Variants in KIAA1217 observed in about 807,000 individuals in gnomAD.
KIAA1217 encodes sickle tail protein homolog.
In KIAA1217, 88 loss-of-function variants were observed where a neutral mutation model predicts 163.9. The ratio of observed to expected loss-of-function variants is 0.54; its 90% CI spans 0.45 to 0.64. The LOEUF is 0.64. Among genes scored for constraint, KIAA1217 ranks in the 30% least tolerant of loss-of-function variants. KIAA1217 has a pLI of 0.00. For missense variants in KIAA1217, 2,372 were observed against 2,475.0 expected, an observed-to-expected ratio of 0.96 and a Z score of 0.88; for synonymous variants, 903 against 923.1, an observed-to-expected ratio of 0.98 and a Z score of 0.39.
chr10:24,373,705 G>A (rs2052027898), intron 2 of KIAA1217, among the ~76,000 whole-genome samples: 1 of 152,180 alleles, frequency 6.6e-6, no homozygotes, highest in Non-Finnish European at 1.5e-5. Context: ...GCACAGAGGT[G>A]TCCTTGTCAT....
chr10:24,402,472 G>A (rs1303045221), intron 3 of KIAA1217, among the ~76,000 whole-genome samples: 1 of 143,638 alleles, frequency 7.0e-6, no homozygotes, highest in Non-Finnish European at 1.5e-5. Context: ...TCGCGCCACT[G>A]CACTCCAGCC....
intron 2 of KIAA1217, among the ~76,000 whole-genome samples, chr10:24,276,125 ATTGGG>A (rs2077259787): frequency 6.6e-6 from 1 of 152,204 alleles, no homozygotes; most frequent in Non-Finnish European, 1.5e-5. Context: ...TAGTAATTGA[ATTGGG>A]CTACAAGGTC....
chr10:24,406,177 C>G (rs541292822), intron 3 of KIAA1217, among the ~76,000 whole-genome samples: 3 of 152,204 alleles, frequency 2.0e-5, no homozygotes, highest in East Asian at 3.9e-4. Context: ...TGACGAGCAA[C>G]AATTCACATT....
At chr10:24,012,352 A>T (rs988467824) in intron 2 of KIAA1217, among the ~76,000 whole-genome samples, 3 of 152,138 alleles carry the variant, frequency 2.0e-5, no homozygotes, top group African/African-American at 7.2e-5. Flanking sequence ...GGTTATTCTT[A>T]CAACTCTCTT....
chr10:23,830,418 C>G (rs1838124028), intron 1 of KIAA1217, among the ~76,000 whole-genome samples: 1 of 152,108 alleles, frequency 6.6e-6, no homozygotes, highest in Non-Finnish European at 1.5e-5. Context: ...GTCCAGGGCT[C>G]TCTGAGAAGA....
chr10:23,714,287 T>G (rs1349708561), intron 1 of KIAA1217, among the ~76,000 whole-genome samples: 1 of 148,620 alleles, frequency 6.7e-6, no homozygotes, highest in Non-Finnish European at 1.5e-5. Flanking sequence ...TCCACAGAAA[T>G]CAAACCCTAA....
At chr10:24,127,814 C>T (rs1047427482) in intron 2 of KIAA1217, among the ~76,000 whole-genome samples, 13 of 152,124 alleles carry the variant, frequency 8.5e-5, no homozygotes, top group African/African-American at 3.1e-4. Flanking sequence ...TTTCACAATA[C>T]CCACTGTTGG....
intron 2 of KIAA1217, among the ~76,000 whole-genome samples, chr10:24,338,167 A>T (rs769364524): frequency 6.6e-6 from 1 of 152,124 alleles, no homozygotes; most frequent in African/African-American, 2.4e-5. Context: ...TTATGTCCCA[A>T]TGTGGATGAT....
chr10:23,830,672 A>G (rs1213735420), intron 1 of KIAA1217, among the ~76,000 whole-genome samples: 1 of 150,262 alleles, frequency 6.7e-6, no homozygotes, highest in East Asian at 2.0e-4. Flanking sequence ...AATCATAGGT[A>G]GGTAGGTAGG....
chr10:23,715,932 C>T lies in KIAA1217; in HGVS notation c.-321+20698C>T, dbSNP rs1837539955. Reference sequence around the variant, plus strand: ...GAAATAGTTTTCTTTTAAAGGGAAACACATTGCACCAATTTGCAAGTTAAT... The same window carrying T: ...GAAATAGTTTTCTTTTAAAGGGAAATACATTGCACCAATTTGCAAGTTAAT... On this transcript the variant is annotated intron_variant, in intron 1 of 18. Transcript: ENST00000376462. 2.6e-5 allele frequency among the ~76,000 whole-genome samples: 4 copies of T among 152,226 alleles called. No homozygotes were observed. In the South Asian group the frequency reaches 8.3e-4, roughly 32 times the overall value.
chr10:24,408,578 C>T (rs1040689398), intron 3 of KIAA1217, among the ~76,000 whole-genome samples: 12 of 152,186 alleles, frequency 7.9e-5, no homozygotes, highest in African/African-American at 2.7e-4. Context: ...TGCCACCCTC[C>T]TCTCACCTCT....
At chr10:23,720,712 A>G (rs900776641) in intron 1 of KIAA1217, among the ~76,000 whole-genome samples, 2 of 152,194 alleles carry the variant, frequency 1.3e-5, no homozygotes, top group Admixed American at 1.3e-4. Flanking sequence ...AATTAGTTAA[A>G]TGAAAAAGAT....
intron 2 of KIAA1217, among the ~76,000 whole-genome samples, chr10:24,033,172 TA>T (rs1480749799): frequency 6.6e-6 from 1 of 152,228 alleles, no homozygotes; most frequent in East Asian, 1.9e-4. Flanking sequence ...CATCATGGTA[TA>T]AAGCAACTTT....
intron 2 of KIAA1217, among the ~76,000 whole-genome samples, chr10:24,267,665 G>T (rs2076365296): frequency 6.6e-6 from 1 of 152,180 alleles, no homozygotes; most frequent in Non-Finnish European, 1.5e-5. Context: ...TGCTGATAAA[G>T]CTAAATAGAC....
intron 5 of KIAA1217, among the ~76,000 whole-genome samples, chr10:24,444,542 G>A (rs1002666850): frequency 4.7e-4 from 72 of 152,112 alleles, no homozygotes; most frequent in Admixed American, 1.6e-3. Context: ...TCATCTTCAC[G>A]TCCCTCCAAA....
chr10:24,494,916 G>A (rs929206797), intron 7 of KIAA1217: 6 of 579,202 alleles, frequency 1.0e-5, no homozygotes, highest in East Asian at 2.9e-5. Flanking sequence ...TGTCCACGTC[G>A]CCATCATCTG....
chr10:24,357,540 G>A (rs1442817911), intron 2 of KIAA1217, among the ~76,000 whole-genome samples: 4 of 152,140 alleles, frequency 2.6e-5, no homozygotes, highest in East Asian at 1.9e-4. Context: ...CAGCACACCC[G>A]CAGGCAGCTA....
chr10:23,830,132 A>G (rs1414501671), intron 1 of KIAA1217, among the ~76,000 whole-genome samples: 8 of 152,202 alleles, frequency 5.3e-5, no homozygotes, highest in African/African-American at 1.9e-4. Flanking sequence ...AATAGTTGCA[A>G]TCTTCCATAA....
chr10:24,359,074 C>T (rs368225933), intron 2 of KIAA1217, among the ~76,000 whole-genome samples: 6 of 84,408 alleles, frequency 7.1e-5, no homozygotes, highest in Admixed American at 1.3e-4. Context: ...TCTTTTCTTT[C>T]TTTCTTTCTT....
Sources: gnomAD v4.1 joint callset for allele counts (sites outside exome capture counted in the v4.1 genomes callset) on GRCh38, gnomAD v4.1.1 for gene constraint, MANE v1.5 for transcripts, NCBI Gene and HGNC (gene_info 2026-07-23, HGNC 2026-07-21) for gene names.